GLDC: variants seen among roughly 807,000 people sequenced by gnomAD.
GLDC encodes the protein glycine decarboxylase.
In GLDC, 104 loss-of-function variants were observed where a neutral mutation model predicts 121.3. That is an observed-to-expected ratio of 0.86 (90% confidence interval 0.73 to 1.01). The LOEUF (loss-of-function observed/expected upper bound fraction) is 1.01. Ranked by LOEUF, GLDC falls within the 50% of genes least tolerant of loss-of-function variation. GLDC has a pLI of 0.00. For missense variants in GLDC, 1,429 were observed against 1,306.6 expected, an observed-to-expected ratio of 1.09 and a Z score of -1.44; for synonymous variants, 546 against 480.6, an observed-to-expected ratio of 1.14 and a Z score of -1.78.
At chr9:6,588,751 C>T (rs753291923) in intron 12 of GLDC, 49 bp from the exon 13 acceptor site, 5 of 1,018,864 alleles carry the variant, frequency 4.9e-6, no homozygotes, top group Non-Finnish European at 7.9e-6. Flanking sequence ...AGATATGAGT[C>T]CATGCACATC....
chr9:6,644,786 G>A (rs1294150659), intron 1 of GLDC, 94 bp from the exon 2 acceptor site: 4 of 831,842 alleles, frequency 4.8e-6, no homozygotes, highest in South Asian at 1.4e-5. Context: ...GAACCTCATT[G>A]AAATCGCCTA....
At chr9:6,556,027 C>G in intron 18 of GLDC, 126 bp downstream of exon 18, 1 of 708,180 alleles carries the variant, frequency 1.4e-6, no homozygotes, top group Non-Finnish European at 2.4e-6. Flanking sequence ...TCAACAACCA[C>G]CAGTGGTCAG....
At chr9:6,567,679 T>C (rs1817879636) in intron 15 of GLDC, among the ~76,000 whole-genome samples, 1 of 152,212 alleles carries the variant, frequency 6.6e-6, no homozygotes, top group Non-Finnish European at 1.5e-5. Context: ...GATAGATTGA[T>C]TAAAGAAATA....
chr9:6,638,244 C>T (rs982220664), intron 2 of GLDC, among the ~76,000 whole-genome samples: 1 of 151,204 alleles, frequency 6.6e-6, no homozygotes, highest in African/African-American at 2.4e-5. Context: ...CAGAGTCTCA[C>T]TGTCGCCCAG....
At chr9:6,635,269 G>T (rs1819477790) in intron 2 of GLDC, among the ~76,000 whole-genome samples, 1 of 152,094 alleles carries the variant, frequency 6.6e-6, no homozygotes, top group South Asian at 2.1e-4. Flanking sequence ...CTCTCAATAA[G>T]TGCAGAATGG....
intron 3 of GLDC, among the ~76,000 whole-genome samples, chr9:6,612,024 C>T (rs534474705): frequency 1.3e-5 from 2 of 152,078 alleles, no homozygotes; most frequent in African/African-American, 2.4e-5. Context: ...TTTTGTATGA[C>T]CCCATTTCTG....
chr9:6,607,475 G>A (rs541094177), intron 4 of GLDC, among the ~76,000 whole-genome samples: 32 of 151,832 alleles, frequency 2.1e-4, no homozygotes, highest in African/African-American at 6.8e-4. Flanking sequence ...CCCACTACTC[G>A]GGAGGATGAG....
At chr9:6,623,944 A>C (rs1819176211) in intron 2 of GLDC, among the ~76,000 whole-genome samples, 1 of 152,210 alleles carries the variant, frequency 6.6e-6, no homozygotes, top group Non-Finnish European at 1.5e-5. Context: ...TTCAATTATG[A>C]TCCTGTGCAG....
intron 15 of GLDC, among the ~76,000 whole-genome samples, chr9:6,568,568 C>T (rs1167190076): frequency 2.0e-5 from 3 of 152,150 alleles, no homozygotes; most frequent in African/African-American, 7.2e-5. Flanking sequence ...GCCCTCCATG[C>T]CGGGCGTGGT....
At chr9:6,555,383 C>T (rs185307878) in intron 18 of GLDC, among the ~76,000 whole-genome samples, 1 of 152,042 alleles carries the variant, frequency 6.6e-6, no homozygotes, top group African/African-American at 2.4e-5. Context: ...ACCAAAGGTA[C>T]AGAATTCATT....
intron 2 of GLDC, among the ~76,000 whole-genome samples, chr9:6,632,660 T>C (rs115482833): frequency 0.012 from 1,768 of 152,326 alleles, 29 homozygotes; most frequent in African/African-American, 0.041. Flanking sequence ...CTCACGTCCC[T>C]ATTCTCTAGC....
At chr9:6,551,920 T>C (rs2129709374) in intron 20 of GLDC, among the ~76,000 whole-genome samples, 1 of 152,314 alleles carries the variant, frequency 6.6e-6, no homozygotes, top group East Asian at 1.9e-4. Context: ...ATGGGGGGAT[T>C]TTTTAAAAAT....
chr9:6,600,455 T>C (rs1818582560), intron 8 of GLDC, among the ~76,000 whole-genome samples: 1 of 151,354 alleles, frequency 6.6e-6, no homozygotes, highest in Non-Finnish European at 1.5e-5. Flanking sequence ...GGCAGGACCA[T>C]CACTTGAGGT....
chr9:6,615,764 C>G (rs2578282), intron 3 of GLDC, among the ~76,000 whole-genome samples: 19,631 of 151,944 alleles, frequency 0.13, 1,310 homozygotes, highest in Middle Eastern at 0.16. Context: ...GTGCCTATCA[C>G]TAGGCCTGGC....
chr9:6,621,487 G>A (rs1346270260), intron 2 of GLDC, among the ~76,000 whole-genome samples: 4 of 152,112 alleles, frequency 2.6e-5, no homozygotes, highest in Admixed American at 6.6e-5. Flanking sequence ...TAAGTTGAGA[G>A]CTGCTACATG....
chr9:6,608,257 C>CAA (rs113175145), intron 4 of GLDC, among the ~76,000 whole-genome samples: 4 of 128,952 alleles, frequency 3.1e-5, no homozygotes, highest in Non-Finnish European at 5.0e-5. Flanking sequence ...ACTAAAAATA[C>CAA]AAAAAAAAAA....
chr9:6,595,444 T>C (rs1174968530), intron 8 of GLDC, among the ~76,000 whole-genome samples: 4 of 152,116 alleles, frequency 2.6e-5, no homozygotes, highest in Admixed American at 6.6e-5. Flanking sequence ...ATGTTTAATG[T>C]TGGAAGACAG....
rs150065781 is a variant in GLDC, at chr9:6,644,050, A to C, written c.334+564T>G. Reference sequence around the variant, plus strand: ...GTCTCAAAAAAAAAAAAAAAAAAAAACGAAAAAAAAAAGAAAAGAAAAGAA... The same window carrying C: ...GTCTCAAAAAAAAAAAAAAAAAAAACCGAAAAAAAAAAGAAAAGAAAAGAA... On this transcript the variant is annotated intron_variant, in intron 2 of 24. Transcript: ENST00000321612. Among the ~76,000 whole-genome samples, 250 of 92,704 alleles carry C rather than the reference A, an allele frequency of 2.7e-3. 8 individuals are homozygous for C. In the Middle Eastern group the frequency reaches 0.032, roughly 12 times the overall value. The allele number at this position is 92,704 out of a possible 152,430, so 60.8% of individuals were successfully genotyped here. A position where few individuals can be genotyped will look rare whatever the true frequency, so the allele number is the denominator to read the frequency against.
intron 3 of GLDC, among the ~76,000 whole-genome samples, chr9:6,611,555 CAAA>C (rs34302796): frequency 2.1e-5 from 3 of 141,058 alleles, no homozygotes; most frequent in African/African-American, 5.4e-5. Context: ...GACTCCGTCT[CAAA>C]AAAAAAAAAA....
Sources: allele counts gnomAD v4.1 joint callset (sites outside exome capture counted in the v4.1 genomes callset), GRCh38; gene constraint gnomAD v4.1.1; transcripts MANE v1.5; gene names NCBI Gene and HGNC (gene_info 2026-07-23, HGNC 2026-07-21).